The following CNTNAP2 variants were observed in gnomAD, a reference collection of about 807,000 sequenced individuals.
CNTNAP2 encodes contactin associated protein 2.
A neutral mutation model predicts 155.2 loss-of-function variants in CNTNAP2; 98 were observed. That is an observed-to-expected ratio of 0.63 (90% CI 0.54 to 0.75). CNTNAP2 has a LOEUF of 0.75. Among genes scored for constraint, CNTNAP2 ranks in the 30% least tolerant of loss-of-function variants. The pLI, the probability that CNTNAP2 is intolerant of heterozygous loss-of-function variation, is 0.00. For missense variants in CNTNAP2, 1,727 were observed against 1,688.1 expected, an observed-to-expected ratio of 1.02 and a Z score of -0.40; for synonymous variants, 651 against 631.2, an observed-to-expected ratio of 1.03 and a Z score of -0.47.
chr7:146,670,535 A>G (rs1248538987), intron 1 of CNTNAP2, among the ~76,000 whole-genome samples: 2 of 152,214 alleles, frequency 1.3e-5, no homozygotes, highest in African/African-American at 4.8e-5. Flanking sequence ...ATTAAAAAAT[A>G]TACTTTAACT....
At chr7:146,597,917 G>T (rs1798887745) in intron 1 of CNTNAP2, among the ~76,000 whole-genome samples, 1 of 152,002 alleles carries the variant, frequency 6.6e-6, no homozygotes, top group Admixed American at 6.6e-5. Flanking sequence ...AGAGTCACAT[G>T]CATCTTTTGG....
Position 146,146,436 on chromosome 7 carries a change from CCTATT to C in CNTNAP2, c.97+29469_97+29473del, listed in dbSNP as rs148711855. Among the ~76,000 whole-genome samples, 21 of 152,054 alleles carry C rather than the reference CCTATT, an allele frequency of 1.4e-4. No homozygotes were observed. The East Asian group carries it at 2.9e-3, about 21-fold the overall frequency. ...GAATTTGGTTTTGATCTTCCTCTGA[CCTATT>C]CTATTAATTCAATAATGTAGGCCTA... is the stretch of plus-strand genomic sequence containing the variant. On this transcript the variant is annotated intron_variant, in intron 1 of 23. Transcript: ENST00000361727.
intron 1 of CNTNAP2, among the ~76,000 whole-genome samples, chr7:146,635,329 CAGTG>C (rs1247598925): frequency 6.6e-6 from 1 of 152,152 alleles, no homozygotes; most frequent in Non-Finnish European, 1.5e-5. Context: ...TAGTAACCAG[CAGTG>C]AGTGACACTT....
At chr7:146,535,470 C>T (rs1187297335) in intron 1 of CNTNAP2, among the ~76,000 whole-genome samples, 2 of 123,388 alleles carry the variant, frequency 1.6e-5, no homozygotes, top group Non-Finnish European at 3.2e-5. Context: ...ACAGGCATGA[C>T]ACTCAAATCT....
intron 8 of CNTNAP2, among the ~76,000 whole-genome samples, chr7:147,266,489 C>G (rs1025445797): frequency 2.6e-5 from 4 of 152,302 alleles, no homozygotes; most frequent in African/African-American, 9.6e-5. Flanking sequence ...TAATTTATCT[C>G]CATGCTTCTG....
chr7:147,502,501 G>A (rs1283841445), intron 11 of CNTNAP2, among the ~76,000 whole-genome samples: 1 of 152,036 alleles, frequency 6.6e-6, no homozygotes, highest in African/African-American at 2.4e-5. Flanking sequence ...CTGAGGGTAG[G>A]GACAATGGAG....
intron 21 of CNTNAP2, among the ~76,000 whole-genome samples, chr7:148,367,376 TAAGTC>T (rs1038255811): frequency 2.6e-5 from 4 of 152,166 alleles, no homozygotes; most frequent in African/African-American, 7.2e-5. Context: ...AATGAACTGT[TAAGTC>T]AAAGGAAAAA....
At chr7:148,356,900 CAAAA>C (rs898262041) in intron 21 of CNTNAP2, among the ~76,000 whole-genome samples, 5 of 147,366 alleles carry the variant, frequency 3.4e-5, no homozygotes, top group African/African-American at 5.1e-5. Flanking sequence ...ATTAAAAAAA[CAAAA>C]AAACAAAAAA....
intron 9 of CNTNAP2, among the ~76,000 whole-genome samples, chr7:147,318,452 AAAGACAAAAATTAT>A (rs1452601937): frequency 3.3e-5 from 5 of 152,116 alleles, no homozygotes; most frequent in African/African-American, 1.2e-4. Context: ...TTGTTTTTTT[AAAGACAAAAATTAT>A]AAGACAAAAA....
At chr7:146,220,285 T>C (rs802532) in intron 1 of CNTNAP2, among the ~76,000 whole-genome samples, 2 of 147,078 alleles carry the variant, frequency 1.4e-5, no homozygotes, top group African/African-American at 2.7e-5. Context: ...GGGGAATGCA[T>C]GCTAAAAAAA....
intron 16 of CNTNAP2, 114 bp from the exon 17 acceptor site, chr7:148,147,377 G>A (rs143785185): frequency 5.4e-5 from 54 of 1,004,778 alleles, no homozygotes; most frequent in African/African-American, 3.9e-4. Flanking sequence ...TTTGTAGGAC[G>A]TGACAGGCTT....
chr7:146,416,368 G>C (rs1040413607), intron 1 of CNTNAP2, among the ~76,000 whole-genome samples: 7 of 151,838 alleles, frequency 4.6e-5, no homozygotes, highest in African/African-American at 1.7e-4. Context: ...TTTCCGACCT[G>C]GGTCAGTTTG....
intron 3 of CNTNAP2, among the ~76,000 whole-genome samples, chr7:146,934,537 A>G (rs911839297): frequency 9.9e-5 from 15 of 152,206 alleles, no homozygotes; most frequent in African/African-American, 3.1e-4. Flanking sequence ...AGCATGGCAC[A>G]TGTATACATA....
At position 146,134,210 on chromosome 7, in the gene CNTNAP2, T is replaced by C. The variant is rs531300297; in HGVS notation, c.97+17237T>C. Reference sequence around the variant, plus strand: ...GGGAGTTCACTCATGATTTGGCTGTTTGTCTGTTGTTGGTGTATAAGAATG... The same window carrying C: ...GGGAGTTCACTCATGATTTGGCTGTCTGTCTGTTGTTGGTGTATAAGAATG... On this transcript the variant is annotated intron_variant, in intron 1 of 23. Coordinates refer to ENST00000361727, the MANE Select transcript of CNTNAP2 (RefSeq NM_014141.6). 6.1e-3 allele frequency among the ~76,000 whole-genome samples: 923 copies of C among 150,630 alleles called. 16 individuals are homozygous for C. The East Asian group carries it at 0.075, about 12-fold the overall frequency.
intron 3 of CNTNAP2, among the ~76,000 whole-genome samples, chr7:146,963,431 T>A (rs1446965959): frequency 6.6e-6 from 1 of 152,226 alleles, no homozygotes; most frequent in Non-Finnish European, 1.5e-5. Flanking sequence ...GTTATTTATT[T>A]TACTTCCTGA....
At chr7:147,617,154 C>T (rs1000135527) in intron 12 of CNTNAP2, among the ~76,000 whole-genome samples, 3 of 152,248 alleles carry the variant, frequency 2.0e-5, no homozygotes, top group Admixed American at 2.0e-4. Flanking sequence ...CTTCTTCATG[C>T]GACACATCCC....
intron 8 of CNTNAP2, among the ~76,000 whole-genome samples, chr7:147,181,201 A>G (rs1802449650): frequency 6.6e-6 from 1 of 152,054 alleles, no homozygotes; most frequent in Non-Finnish European, 1.5e-5. Context: ...AGCTGGGGGG[A>G]CAGCAGGTGG....
intron 8 of CNTNAP2, among the ~76,000 whole-genome samples, chr7:147,196,203 T>C (rs962754440): frequency 2.0e-5 from 3 of 152,170 alleles, no homozygotes; most frequent in Non-Finnish European, 4.4e-5. Flanking sequence ...TAAATGTCTA[T>C]GGTTTAAATC....
At chr7:148,402,469 C>T (rs1799609040) in intron 22 of CNTNAP2, among the ~76,000 whole-genome samples, 1 of 152,182 alleles carries the variant, frequency 6.6e-6, no homozygotes, top group Admixed American at 6.5e-5. Flanking sequence ...TAGCAGGGAT[C>T]CTCTCTTAAA....
Sources: gnomAD v4.1 joint callset for allele counts (sites outside exome capture counted in the v4.1 genomes callset) on GRCh38, gnomAD v4.1.1 for gene constraint, MANE v1.5 for transcripts, NCBI Gene and HGNC (gene_info 2026-07-23, HGNC 2026-07-21) for gene names.